Variants in FBN2 observed in about 807,000 individuals in gnomAD.
FBN2 encodes the protein fibrillin-2.
Under a neutral mutation model 355.6 loss-of-function variants are expected in FBN2, and 105 were observed. The observed-to-expected ratio is 0.30, with a 90% CI of 0.25 to 0.35. The LOEUF (loss-of-function observed/expected upper bound fraction) is 0.35. Ranked by LOEUF, FBN2 falls within the 10% of genes least tolerant of loss-of-function variation. The pLI, the probability that FBN2 is intolerant of heterozygous loss-of-function variation, is 1.00. For synonymous variants in FBN2, 1,350 were observed against 1,301.2 expected (o/e 1.04, Z -0.81); for missense variants, 3,280 against 3,758.7 (o/e 0.87, Z 3.33).
At position 128,369,316 on chromosome 5, in the gene FBN2, G is replaced by A. The variant is rs1415714124; in HGVS notation, c.2114C>T (p.Thr705Ile). The change falls in exon 16 of 65, where the codon ACC (threonine) becomes ATC (isoleucine). Residue 705 changes from threonine (T) to isoleucine (I), a missense_variant. Thr to Ile is a moderately conservative substitution (Grantham distance 89, BLOSUM62 -1). Transcript: ENST00000262464. ...TCCTTTCTTGATTCCTCCATAGCAG[G>A]TACTGCGCATGTGAGTATCTAAAGG... ...RVCVDTHMRSTCYGGIKKGVC... is the reference protein window; with the variant it reads ...RVCVDTHMRSICYGGIKKGVC... 1.2e-6 allele frequency: 2 copies of A among 1,613,920 alleles called. No individual in the cohort carries two copies. The highest frequency in any genetic ancestry group is 1.3e-5 in the African/African-American group (1 of 74,902).
chr5:128,399,782 T>G (rs2126987685), intron 8 of FBN2, among the ~76,000 whole-genome samples: 1 of 152,110 alleles, frequency 6.6e-6, no homozygotes, highest in African/African-American at 2.4e-5. Flanking sequence ...ACAGCTAGGA[T>G]AGCCACTGAA....
At chr5:128,324,326 A>G (rs1435733489) in intron 34 of FBN2, among the ~76,000 whole-genome samples, 1 of 152,146 alleles carries the variant, frequency 6.6e-6, no homozygotes, top group Non-Finnish European at 1.5e-5. Flanking sequence ...GTCTTCTGCT[A>G]GCTACTGAAT....
intron 3 of FBN2, among the ~76,000 whole-genome samples, chr5:128,528,512 T>C (rs1756625479): frequency 6.6e-6 from 1 of 152,120 alleles, no homozygotes; most frequent in Admixed American, 6.5e-5. Flanking sequence ...TGAGGTGACA[T>C]TTACACTGAA....
chr5:128,335,817 T>G (rs1359084673), intron 28 of FBN2, among the ~76,000 whole-genome samples, 171 bp downstream of exon 28: 1 of 152,214 alleles, frequency 6.6e-6, no homozygotes, highest in Non-Finnish European at 1.5e-5. Context: ...TTTTCTACAT[T>G]AAGATGAGTG....
At chr5:128,501,191 T>A (rs1755799402) in intron 5 of FBN2, among the ~76,000 whole-genome samples, 1 of 152,186 alleles carries the variant, frequency 6.6e-6, no homozygotes, top group South Asian at 2.1e-4. Context: ...TTCAGGGATA[T>A]CCTCTTTGAA....
rs1752554194 is a variant in FBN2, at chr5:128,392,908, A to G, written c.1465+227T>C. Among the ~76,000 whole-genome samples the G allele has an allele frequency of 2.6e-5, 4 of 152,212 alleles. No individual in the cohort carries two copies. The South Asian group carries it at 8.3e-4, about 32-fold the overall frequency. ...TCTAATTTAACAGAAAGTTTACAGA[A>G]CATAAAAGTAATATTTTCCTATTAC... On this transcript the variant is annotated intron_variant, in intron 10 of 64. Transcript: ENST00000262464.
intron 2 of FBN2, 38 bp downstream of exon 2, chr5:128,536,364 T>G (rs369072436): frequency 3.9e-6 from 6 of 1,544,040 alleles, no homozygotes; most frequent in Non-Finnish European, 5.4e-6. Context: ...TAGGGCCGAG[T>G]GCGCTGCCCC....
intron 16 of FBN2, among the ~76,000 whole-genome samples, chr5:128,368,437 C>CATATATATACAT (rs1215643724): frequency 0.051 from 4,997 of 97,560 alleles, 225 homozygotes; most frequent in East Asian, 0.15. Flanking sequence ...TATATATACA[C>CATATATATACAT]ATATATACAT....
intron 2 of FBN2, 42 bp downstream of exon 2, chr5:128,536,360 C>G (rs752396067): frequency 1.3e-6 from 2 of 1,523,994 alleles, no homozygotes; most frequent in East Asian, 2.3e-5. Flanking sequence ...GAGATAGGGC[C>G]GAGTGCGCTG....
chr5:128,391,673 T>C (rs1291052771), intron 11 of FBN2, among the ~76,000 whole-genome samples: 5 of 152,210 alleles, frequency 3.3e-5, no homozygotes, highest in Non-Finnish European at 7.4e-5. Flanking sequence ...CTTTTAAAGA[T>C]GGATTCATGC....
At chr5:128,344,576 G>A in intron 24 of FBN2, 66 bp from the exon 25 acceptor site, 1 of 1,507,182 alleles carries the variant, frequency 6.6e-7, no homozygotes. Context: ...ATCACTTTAA[G>A]TTAAAAATCT....
chr5:128,464,958 G>C (rs770520781), intron 5 of FBN2, 37 bp from the exon 6 acceptor site: 1 of 1,584,490 alleles, frequency 6.3e-7, no homozygotes, highest in Non-Finnish European at 8.7e-7. Context: ...CAGGTTTTAT[G>C]ATCATATACT....
intron 31 of FBN2, among the ~76,000 whole-genome samples, chr5:128,333,747 A>G (rs1750755101): frequency 6.6e-6 from 1 of 151,078 alleles, no homozygotes; most frequent in African/African-American, 2.4e-5. Flanking sequence ...TGTATGTATA[A>G]CCTATGTAGA....
intron 5 of FBN2, among the ~76,000 whole-genome samples, chr5:128,489,849 AG>A (rs1412853063): frequency 6.6e-6 from 1 of 152,212 alleles, no homozygotes; most frequent in Non-Finnish European, 1.5e-5. Flanking sequence ...ATTTATAACC[AG>A]GAAGCCAATA....
At chr5:128,367,675 ATTAT>A (rs1751809647) in intron 16 of FBN2, among the ~76,000 whole-genome samples, 1 of 151,700 alleles carries the variant, frequency 6.6e-6, no homozygotes, top group African/African-American at 2.4e-5. Context: ...AACAATAATT[ATTAT>A]TTAATCTTTT....
At chr5:128,386,059 C>A (rs1752358719) in intron 11 of FBN2, among the ~76,000 whole-genome samples, 1 of 152,174 alleles carries the variant, frequency 6.6e-6, no homozygotes, top group East Asian at 1.9e-4. Context: ...GTTTTTGTTG[C>A]AATTGCTTTT....
At chr5:128,298,380 G>C (rs942432269) in intron 48 of FBN2, among the ~76,000 whole-genome samples, 3 of 151,994 alleles carry the variant, frequency 2.0e-5, no homozygotes, top group African/African-American at 7.3e-5. Context: ...CTGAATGTTG[G>C]CCTGCCTTGC....
rs765934618 is a variant in FBN2 at position 128,310,038 on chromosome 5, G to A, written c.5145C>T (p.Tyr1715=). The A allele has an allele frequency of 1.2e-6, 2 of 1,613,834 alleles. No individual in the cohort carries two copies. The highest frequency in any genetic ancestry group is 1.7e-6 in the Non-Finnish European group (2 of 1,179,774). ...PGTCYNTLGN[Y]TCICPPEYMQ... is the part of the protein sequence containing the mutation. ...TGTACTCAGGTGGGCAAATGCAGGT[G>A]TAATTTCCCAGGGTGTTATAGCAGG... is the stretch of plus-strand genomic sequence containing the variant. Residue 1715 remains tyrosine, a synonymous_variant, in exon 40 of 65, where the codon TAC becomes TAT. Coordinates refer to ENST00000262464, the MANE Select transcript of FBN2 (RefSeq NM_001999.4).
At chr5:128,522,894 A>C (rs1227795757) in intron 4 of FBN2, among the ~76,000 whole-genome samples, 1 of 152,186 alleles carries the variant, frequency 6.6e-6, no homozygotes, top group Non-Finnish European at 1.5e-5. Flanking sequence ...CAGTGGCATG[A>C]AAGGCAAGAG....
Sources: gnomAD v4.1 joint callset for allele counts (sites outside exome capture counted in the v4.1 genomes callset) on GRCh38, gnomAD v4.1.1 for gene constraint, MANE v1.5 for transcripts, NCBI Gene and HGNC (gene_info 2026-07-23, HGNC 2026-07-21) for gene names.